The following ZNF407 variants were observed in gnomAD, a reference collection of about 807,000 sequenced individuals.
The protein encoded by ZNF407 is zinc finger protein 407.
Under a neutral mutation model 131.2 loss-of-function variants are expected in ZNF407, and 17 were observed. The ratio of observed to expected loss-of-function variants is 0.13; its 90% CI spans 0.09 to 0.19. The LOEUF (loss-of-function observed/expected upper bound fraction) is 0.19, where lower values mean the gene tolerates loss of function less well. Among genes scored for constraint, ZNF407 ranks in the 10% least tolerant of loss-of-function variants. ZNF407 has a pLI of 1.00. For missense variants in ZNF407, 2,681 were observed against 2,830.6 expected (o/e 0.95, Z 1.20); for synonymous variants, 1,156 against 1,062.0 (o/e 1.09, Z -1.72).
chr18:74,693,312 T>A (rs562674305), intron 3 of ZNF407, among the ~76,000 whole-genome samples: 1 of 152,236 alleles, frequency 6.6e-6, no homozygotes, highest in Non-Finnish European at 1.5e-5. Flanking sequence ...GGGAGTGATA[T>A]AGGTTTCTAC....
chr18:74,690,027 G>T (rs1967183229), intron 3 of ZNF407, among the ~76,000 whole-genome samples: 1 of 152,106 alleles, frequency 6.6e-6, no homozygotes, highest in Non-Finnish European at 1.5e-5. Context: ...ACCTGGGTAT[G>T]TGAATTTTTT....
chr18:74,744,380 G>T (rs1599117070), intron 3 of ZNF407, among the ~76,000 whole-genome samples: 1 of 152,050 alleles, frequency 6.6e-6, no homozygotes, highest in Non-Finnish European at 1.5e-5. Context: ...GCTAGCCTGG[G>T]TTTGCTTTGT....
intron 3 of ZNF407, among the ~76,000 whole-genome samples, chr18:74,683,773 A>G (rs1298888067): frequency 1.3e-5 from 2 of 152,220 alleles, no homozygotes; most frequent in Non-Finnish European, 2.9e-5. Flanking sequence ...ATTTTGAGCT[A>G]AACCAGACCT....
Position 74,634,484 on chromosome 18 carries a change from A to C in ZNF407, c.3465A>C (p.Glu1155Asp), listed in dbSNP as rs771903180. Residue 1155 changes from glutamate to aspartate, a missense_variant, in exon 2 of 9, where the codon GAA becomes GAC. By Grantham distance (45) the Glu-to-Asp change is conservative. Transcript: ENST00000299687. Reference sequence around the variant, plus strand: ...CTGTAGAAGTTGAGACTGAAGAAGAATCTAATTTCAATGAAGACCATTCCT... The same window carrying C: ...CTGTAGAAGTTGAGACTGAAGAAGACTCTAATTTCAATGAAGACCATTCCT... ...ADSVEVETEE[E>D]SNFNEDHSFC... 1 of 1,613,834 alleles carries C rather than the reference A, an allele frequency of 6.2e-7. No individual in the cohort carries two copies. The highest frequency in any genetic ancestry group is 1.1e-5 in the South Asian group (1 of 91,086).
At chr18:74,601,917 A>G (rs1350378922) in intron 1 of ZNF407, among the ~76,000 whole-genome samples, 1 of 152,238 alleles carries the variant, frequency 6.6e-6, no homozygotes, top group Non-Finnish European at 1.5e-5. Context: ...GCAGAAAGGA[A>G]GTACAAAACA....
intron 4 of ZNF407, among the ~76,000 whole-genome samples, chr18:74,857,721 T>A (rs1970878302): frequency 6.6e-6 from 1 of 152,228 alleles, no homozygotes; most frequent in Non-Finnish European, 1.5e-5. Flanking sequence ...AAGTAGCTTT[T>A]TTTTAAATTA....
intron 5 of ZNF407, among the ~76,000 whole-genome samples, chr18:74,878,778 A>C (rs1599216119): frequency 6.6e-6 from 1 of 152,194 alleles, no homozygotes; most frequent in African/African-American, 2.4e-5. Flanking sequence ...ATGCTGAATG[A>C]ACCCCCTCTA....
intron 3 of ZNF407, among the ~76,000 whole-genome samples, chr18:74,688,048 T>A (rs906660464): frequency 6.6e-6 from 1 of 152,192 alleles, no homozygotes; most frequent in African/African-American, 2.4e-5. Flanking sequence ...ATAAAATGTT[T>A]TTTAAAAGAC....
At position 75,065,552 on chromosome 18, in the gene ZNF407, TCCTGATA is replaced by T. The variant is rs1321447369; in HGVS notation, c.*1086_*1092del. On this transcript the variant is annotated 3_prime_UTR_variant, in exon 9 of 9. Coordinates refer to ENST00000299687, the MANE Select transcript of ZNF407 (RefSeq NM_017757.3). ...CGAGTTTCTGTCATAATCATTTGTT[TCCTGATA>T]CAATTGTTCTTATTCTTTTCCAAAA... 2.0e-5 allele frequency: 3 copies of T among 152,396 alleles called. No homozygotes were observed. In the East Asian group the frequency reaches 5.8e-4, roughly 29 times the overall value. 9.4% of individuals were successfully genotyped at this position (152,396 alleles called of 1,614,324 possible).
chr18:74,870,859 G>A (rs1053637224), intron 4 of ZNF407, among the ~76,000 whole-genome samples: 2 of 152,102 alleles, frequency 1.3e-5, no homozygotes, highest in African/African-American at 4.8e-5. Flanking sequence ...ATAGTATTTT[G>A]AAACTCCATA....
At position 74,877,329 on chromosome 18, in the gene ZNF407, C is replaced by A; in HGVS notation, c.5010C>A (p.Ala1670=). ...CGTGCCATTACTCATTCCTCACAGCCTCCGCAATGAAAGACCACTACAGGA... is the reference window on the plus strand; with the variant it reads ...CGTGCCATTACTCATTCCTCACAGCATCCGCAATGAAAGACCACTACAGGA... ...WPTCHYSFLT[A]SAMKDHYRTH... Residue 1670 remains alanine, a synonymous_variant, in exon 5 of 9, where the codon GCC becomes GCA. Transcript: ENST00000299687. 6.2e-7 allele frequency: 1 copy of A among 1,613,718 alleles called. No individual in the cohort carries two copies. Among genetic ancestry groups the A allele is most frequent in the Non-Finnish European group, 8.5e-7 (1 of 1,179,892 alleles).
At chr18:74,973,207 C>A (rs532237863) in intron 8 of ZNF407, among the ~76,000 whole-genome samples, 1 of 151,974 alleles carries the variant, frequency 6.6e-6, no homozygotes, top group African/African-American at 2.4e-5. Flanking sequence ...AGCATTTTAC[C>A]AGTTTGAGCA....
In ZNF407 at chr18:75,063,432, A is replaced by G. The variant is rs766744637; in HGVS notation, c.5711A>G (p.His1904Arg). 20 of 1,609,428 alleles carry G rather than the reference A, an allele frequency of 1.2e-5. No individual in the cohort carries two copies. The highest frequency in any genetic ancestry group is 5.0e-5 in the Admixed American group (3 of 59,472). Residue 1904 changes from histidine (H) to arginine (R), a missense_variant, in exon 9 of 9, where the codon CAT (histidine) becomes CGT (arginine). Around this residue, in one of 6 missense-constraint regions of ZNF407, gnomAD observed 620 missense variants for 583.1 expected, o/e 1.06. Coordinates refer to ENST00000299687, the MANE Select transcript of ZNF407 (RefSeq NM_017757.3). The surrounding 1 kb of genome is among the most constrained non-coding windows in gnomAD (Gnocchi z 6.6). ...AMAGQVARVV[H>R]ITEDGQVIAT... The stretch of plus-strand genomic sequence containing the variant: ...GCCGGCCAGGTGGCCCGGGTGGTGC[A>G]TATCACGGAGGATGGCCAGGTCATC...
chr18:74,598,632 A>G (rs2144595400), intron 1 of ZNF407: 1 of 152,424 alleles, frequency 6.6e-6, no homozygotes, highest in Non-Finnish European at 1.5e-5. Context: ...GCGGTGGCCG[A>G]AAGCACCGCG....
chr18:75,036,053 T>C (rs1377246717), intron 8 of ZNF407, among the ~76,000 whole-genome samples: 2 of 152,208 alleles, frequency 1.3e-5, no homozygotes, highest in African/African-American at 4.8e-5. Context: ...AAATAACGTG[T>C]CTTTTTTTTC....
intron 5 of ZNF407, 101 bp from the exon 6 acceptor site, chr18:74,880,935 A>T: frequency 1.0e-6 from 1 of 986,362 alleles, no homozygotes; most frequent in Non-Finnish European, 1.6e-6. Flanking sequence ...ATTTACATGG[A>T]AACATTTGAT....
chr18:74,842,599 GA>G lies in ZNF407; in HGVS notation c.4878-34597del. Among the ~76,000 whole-genome samples the G allele has an allele frequency of 1.3e-4, 2 of 15,572 alleles. 1 individual carries two copies. Among genetic ancestry groups the G allele is most frequent in the South Asian group, 0.013 (2 of 150 alleles). 10.2% of individuals were successfully genotyped at this position (15,572 alleles called of 152,430 possible). On this transcript the variant is annotated intron_variant, in intron 4 of 8. Transcript: ENST00000299687. Reference sequence around the variant, plus strand: ...TTGACCCTGGAAGTTTTTCCCTAGTGATGTGTGTGTGTGTGTGTGTGTGTGA... The same window carrying G: ...TTGACCCTGGAAGTTTTTCCCTAGTGTGTGTGTGTGTGTGTGTGTGTGTGA...
At chr18:74,641,719 A>G (rs1042614624) in intron 3 of ZNF407, among the ~76,000 whole-genome samples, 2 of 152,196 alleles carry the variant, frequency 1.3e-5, no homozygotes, top group Non-Finnish European at 2.9e-5. Flanking sequence ...TGTTATTCAA[A>G]TGTGTTGCAT....
intron 8 of ZNF407, among the ~76,000 whole-genome samples, chr18:74,989,806 G>A (rs1004408319): frequency 1.3e-5 from 2 of 149,378 alleles, no homozygotes; most frequent in African/African-American, 2.5e-5. Flanking sequence ...TCCCACGACT[G>A]TACTCCAGCC....
Sources: allele counts gnomAD v4.1 joint callset (sites outside exome capture counted in the v4.1 genomes callset), GRCh38; gene constraint gnomAD v4.1.1; regional missense constraint gnomAD v4.1.1; non-coding constraint Gnocchi (gnomAD v3.1); transcripts MANE v1.5; gene names NCBI Gene and HGNC (gene_info 2026-07-23, HGNC 2026-07-21).